KPNA4: variants seen among roughly 807,000 people sequenced by gnomAD.
KPNA4 encodes the protein importin subunit alpha-3.
A neutral mutation model predicts 71.3 loss-of-function variants in KPNA4; 13 were observed. The observed-to-expected ratio is 0.18, with a 90% CI of 0.12 to 0.29. The LOEUF (loss-of-function observed/expected upper bound fraction) is 0.29. Ranked by LOEUF, KPNA4 falls within the 10% of genes least tolerant of loss-of-function variation. The pLI is 1.00. For synonymous variants in KPNA4, 189 were observed against 195.2 expected (o/e 0.97, Z 0.26); for missense variants, 334 against 603.2 (o/e 0.55, Z 4.67).
chr3:160,531,387 AC>A, intron 6 of KPNA4, 74 bp downstream of exon 6: 1 of 725,642 alleles, frequency 1.4e-6, no homozygotes, highest in South Asian at 3.3e-5. Context: ...TAAAGATCAA[AC>A]TAATTACTAG....
intron 11 of KPNA4, among the ~76,000 whole-genome samples, chr3:160,516,163 T>A (rs1721216711): frequency 6.6e-6 from 1 of 150,954 alleles, no homozygotes; most frequent in Non-Finnish European, 1.5e-5. Flanking sequence ...ATTCTGTAAT[T>A]TTTTTTTTAG....
intron 14 of KPNA4, among the ~76,000 whole-genome samples, chr3:160,508,994 G>A (rs1721041423): frequency 6.6e-6 from 1 of 152,032 alleles, no homozygotes; most frequent in Non-Finnish European, 1.5e-5. Context: ...GTTCTGCTCT[G>A]TATTTATGTG....
chr3:160,515,673 G>T, intron 11 of KPNA4, 93 bp from the exon 12 acceptor site: 1 of 1,396,278 alleles, frequency 7.2e-7, no homozygotes, highest in South Asian at 1.3e-5. Context: ...AGAGTGCAGT[G>T]GTGCGATCTC....
At chr3:160,536,461 T>C (rs1478866388) in intron 2 of KPNA4, among the ~76,000 whole-genome samples, 2 of 152,158 alleles carry the variant, frequency 1.3e-5, no homozygotes, top group African/African-American at 4.8e-5. Flanking sequence ...GACTTACTAC[T>C]GCCCATTAAT....
At position 160,531,530 on chromosome 3, in the gene KPNA4, T is replaced by G; in HGVS notation, c.315A>C (p.Pro105=). ...CAGATTTTATTAAGTCATCAATTGG[T>G]GGATTTCGATCACTGGACAAAAGCT... The part of the protein sequence containing the change: ...ARKLLSSDRN[P]PIDDLIKSGI... The change falls in exon 6 of 17, where the codon CCA becomes CCC. Residue 105 remains proline, a synonymous_variant. Coordinates refer to ENST00000334256, the MANE Select transcript of KPNA4 (RefSeq NM_002268.5). The G allele has an allele frequency of 6.3e-7, 1 of 1,590,242 alleles. No homozygotes were observed. The highest frequency in any genetic ancestry group is 8.6e-7 in the Non-Finnish European group (1 of 1,168,492).
chr3:160,526,908 G>C (rs1023535102), intron 8 of KPNA4, among the ~76,000 whole-genome samples: 3 of 152,132 alleles, frequency 2.0e-5, no homozygotes, highest in African/African-American at 7.2e-5. Context: ...CTAACATTTG[G>C]TATAAAAGCA....
chr3:160,521,776 T>C lies in KPNA4; in HGVS notation c.903+3A>G. 3 of 1,610,774 alleles carry C rather than the reference T, an allele frequency of 1.9e-6. No homozygotes were observed. The highest frequency in any genetic ancestry group is 2.5e-6 in the Non-Finnish European group (3 of 1,179,526). On this transcript the variant is annotated splice_donor_region_variant and intron_variant, in intron 11 of 16. Transcript: ENST00000334256. The stretch of plus-strand genomic sequence containing the variant: ...CTTATAATTTAACTAAGAACAAACT[T>C]ACCTGAACTTTAACTTCCTGGTGGC...
chr3:160,531,108 T>C (rs1721567016), intron 6 of KPNA4, among the ~76,000 whole-genome samples, 168 bp from the exon 7 acceptor site: 1 of 152,190 alleles, frequency 6.6e-6, no homozygotes, highest in South Asian at 2.1e-4. Flanking sequence ...AAACATCTCT[T>C]CAGTATAAAA....
chr3:160,520,624 G>A (rs1721326858), intron 11 of KPNA4, among the ~76,000 whole-genome samples: 1 of 96,834 alleles, frequency 1.0e-5, no homozygotes, highest in Non-Finnish European at 2.8e-5. Context: ...TAATTTTAAG[G>A]TACAGGGTCT....
chr3:160,560,510 C>A (rs1035629333), intron 1 of KPNA4, among the ~76,000 whole-genome samples: 4 of 151,432 alleles, frequency 2.6e-5, no homozygotes, highest in Admixed American at 2.6e-4. Flanking sequence ...TAGATGAATG[C>A]TACTCCAGAA....
intron 1 of KPNA4, among the ~76,000 whole-genome samples, chr3:160,557,247 G>C (rs1722155633): frequency 6.6e-6 from 1 of 152,096 alleles, no homozygotes; most frequent in Non-Finnish European, 1.5e-5. Flanking sequence ...AAACAGGACA[G>C]GGCCATTTAA....
chr3:160,548,428 G>C (rs1330073884), intron 1 of KPNA4, among the ~76,000 whole-genome samples: 1 of 152,108 alleles, frequency 6.6e-6, no homozygotes, highest in African/African-American at 2.4e-5. Context: ...TTGCAAAAAC[G>C]AAACACTACA....
At chr3:160,561,935 T>C (rs780633815) in intron 1 of KPNA4, among the ~76,000 whole-genome samples, 2 of 152,052 alleles carry the variant, frequency 1.3e-5, no homozygotes, top group African/African-American at 2.4e-5. Context: ...ACAACACTCA[T>C]GAAGCAGATG....
At chr3:160,534,777 C>A (rs1721651554) in intron 5 of KPNA4, among the ~76,000 whole-genome samples, 1 of 149,086 alleles carries the variant, frequency 6.7e-6, no homozygotes, top group Non-Finnish European at 1.5e-5. Flanking sequence ...TGGAAAGACA[C>A]TGGGAGTGTA....
At chr3:160,553,901 C>G (rs1195711226) in intron 1 of KPNA4, among the ~76,000 whole-genome samples, 19 of 152,208 alleles carry the variant, frequency 1.2e-4, no homozygotes. Flanking sequence ...GAATCTAGCT[C>G]AGACTGATTG....
intron 13 of KPNA4, among the ~76,000 whole-genome samples, chr3:160,511,426 TAAC>T (rs1275367207): frequency 2.0e-5 from 3 of 152,114 alleles, no homozygotes; most frequent in Non-Finnish European, 2.9e-5. Context: ...AAGTACTATT[TAAC>T]AACAAACACT....
Position 160,531,451 on chromosome 3 carries a change from A to T in KPNA4, c.383+11T>A, listed in dbSNP as rs547350479. The T allele has an allele frequency of 1.1e-4, 143 of 1,353,160 alleles. No homozygotes were observed. Among genetic ancestry groups the T allele is most frequent in the Admixed American group, 1.0e-3 (44 of 42,894 alleles). The allele number at this position is 1,353,160 out of a possible 1,614,324, so 83.8% of individuals were successfully genotyped here. The stretch of plus-strand genomic sequence containing the variant: ...CTAAATTAAAAAAAAAAAAATAAAT[A>T]ATGTACTCACTTGTCATCTCTTTCA... On this transcript the variant is annotated intron_variant, in intron 6 of 16. Coordinates refer to ENST00000334256, the MANE Select transcript of KPNA4 (RefSeq NM_002268.5).
intron 7 of KPNA4, 40 bp downstream of exon 7, chr3:160,530,815 T>A (rs1178492962): frequency 1.4e-6 from 2 of 1,410,976 alleles, no homozygotes; most frequent in Non-Finnish European, 2.0e-6. Context: ...CGACTTCTTT[T>A]AAAAAAAATC....
intron 5 of KPNA4, among the ~76,000 whole-genome samples, chr3:160,533,447 T>G (rs1560051061): frequency 7.0e-6 from 1 of 141,916 alleles, no homozygotes; most frequent in Non-Finnish European, 1.6e-5. Flanking sequence ...AAGTGGAAAT[T>G]TAAAAAAAAA....
Sources: allele counts gnomAD v4.1 joint callset (sites outside exome capture counted in the v4.1 genomes callset), GRCh38; gene constraint gnomAD v4.1.1; transcripts MANE v1.5; gene names NCBI Gene and HGNC (gene_info 2026-07-23, HGNC 2026-07-21).